ZNF683: variants seen among roughly 807,000 people sequenced by gnomAD.
ZNF683 encodes tissue-resident T-cell transcription regulator protein ZNF683.
ZNF683 carries 20 observed loss-of-function variants against 31.4 expected under a neutral mutation model. The observed-to-expected ratio is 0.64, with a 90% CI of 0.45 to 0.93. ZNF683 has a LOEUF of 0.93. Ranked by LOEUF, ZNF683 falls within the 40% of genes least tolerant of loss-of-function variation. The pLI is 0.00. For missense variants in ZNF683, 621 were observed against 637.2 expected (o/e 0.97, Z 0.27); for synonymous variants, 264 against 267.6 (o/e 0.99, Z 0.13).
At chr1:26,372,755 C>T, upstream of ZNF683, 3 of 1,211,126 alleles carry the variant, frequency 2.5e-6, no homozygotes, top group Non-Finnish European at 3.2e-6. Flanking sequence ...GACCATGGTC[C>T]TCCCTTTGTG....
intron 1 of ZNF683, among the ~76,000 whole-genome samples, chr1:26,371,119 G>A (rs951666633): frequency 6.6e-5 from 10 of 152,130 alleles, no homozygotes; most frequent in African/African-American, 2.4e-4. Context: ...GTGACAGGTA[G>A]GGACAGGAAC....
chr1:26,366,474 G>C (rs1246746325), intron 3 of ZNF683, among the ~76,000 whole-genome samples: 1 of 152,008 alleles, frequency 6.6e-6, no homozygotes. Flanking sequence ...CACAGCAAGA[G>C]AGTCCTTGCC....
intron 2 of ZNF683, 106 bp downstream of exon 2, chr1:26,368,352 T>G: frequency 3.0e-6 from 4 of 1,355,646 alleles, no homozygotes; most frequent in Non-Finnish European, 3.9e-6. Context: ...GTGCTCAGAC[T>G]GGGAAGGAGA....
chr1:26,370,782 C>A (rs2074651939), intron 1 of ZNF683: 1 of 966,312 alleles, frequency 1.0e-6, no homozygotes. Flanking sequence ...GAAGGTGTTA[C>A]ATTTGAAGTT....
At chr1:26,362,262 T>TC (rs2074405999) in intron 5 of ZNF683, 6 of 1,325,816 alleles carry the variant, frequency 4.5e-6, no homozygotes, top group Non-Finnish European at 6.4e-6. Flanking sequence ...CTCTGAGCCT[T>TC]CCTCTCCTCA....
chr1:26,363,975 C>A (rs1047780165), intron 4 of ZNF683, among the ~76,000 whole-genome samples: 2 of 152,220 alleles, frequency 1.3e-5, no homozygotes, highest in African/African-American at 4.8e-5. Context: ...CCTTTGCTAA[C>A]GCACTGAGAT....
intron 1 of ZNF683, among the ~76,000 whole-genome samples, chr1:26,369,312 G>T (rs2074607618): frequency 6.6e-6 from 1 of 152,034 alleles, no homozygotes; most frequent in African/African-American, 2.4e-5. Flanking sequence ...ATCACCTGAG[G>T]TCAGGAGTTC....
At chr1:26,367,882 C>A in intron 2 of ZNF683, 85 bp from the exon 3 acceptor site, 1 of 1,136,342 alleles carries the variant, frequency 8.8e-7, no homozygotes, top group South Asian at 1.7e-5. Context: ...ATTTTGTTTT[C>A]CAAAGGGGAG....
At position 26,363,157 on chromosome 1, in the gene ZNF683, G is replaced by A; in HGVS notation, c.1015-3C>T. ...CCACTGTGCACACGCAGGTGGACCT[G>A]AGTCAGATGCGGGATAAATGCTGCC... On this transcript the variant is annotated splice_polypyrimidine_tract_variant and splice_region_variant and intron_variant, in intron 4 of 5. Coordinates refer to ENST00000349618, the MANE Select transcript of ZNF683 (RefSeq NM_001114759.3). The A allele has an allele frequency of 1.2e-6, 2 of 1,602,198 alleles. No individual in the cohort carries two copies. Among genetic ancestry groups the A allele is most frequent in the Non-Finnish European group, 1.7e-6 (2 of 1,171,086 alleles).
rs374969389 is a variant in ZNF683 at position 26,368,404 on chromosome 1, A to G, written c.114+54T>C. 211 of 1,480,014 alleles carry G rather than the reference A, an allele frequency of 1.4e-4. No homozygotes were observed. In the African/African-American group the frequency reaches 2.8e-3, roughly 20 times the overall value. The allele number at this position is 1,480,014 out of a possible 1,614,324, so 91.7% of individuals were successfully genotyped here. A position where few individuals can be genotyped will look rare whatever the true frequency, so the allele number is the denominator to read the frequency against. On this transcript the variant is annotated intron_variant, in intron 2 of 5. Transcript: ENST00000349618. ...CGTTCCCCTTTTTCCTCCTAATGTCACCTCCTACTATAAGCAGACTACCCA... is the reference window on the plus strand; with the variant it reads ...CGTTCCCCTTTTTCCTCCTAATGTCGCCTCCTACTATAAGCAGACTACCCA...
intron 3 of ZNF683, 84 bp from the exon 4 acceptor site, chr1:26,365,310 G>T: frequency 1.5e-6 from 2 of 1,350,612 alleles, no homozygotes; most frequent in Non-Finnish European, 2.0e-6. Context: ...GCTCGGGGCT[G>T]AGAAAGACCT....
chr1:26,373,189 G>A (rs1349358913), upstream of ZNF683: 1 of 152,964 alleles, frequency 6.5e-6, no homozygotes, highest in Non-Finnish European at 1.5e-5. Context: ...AGGAGTTCAA[G>A]ACCAGCCTGG....
intron 1 of ZNF683, among the ~76,000 whole-genome samples, chr1:26,371,938 A>C (rs1353524269): frequency 2.0e-5 from 3 of 152,158 alleles, no homozygotes; most frequent in African/African-American, 7.2e-5. Flanking sequence ...TCTTAAAAAA[A>C]GTTAATAAAT....
At position 26,364,954 on chromosome 1, in the gene ZNF683, G is replaced by A. The variant is rs138879914; in HGVS notation, c.592C>T (p.Leu198Phe). Residue 198 changes from leucine (L) to phenylalanine (F), a missense_variant, in exon 4 of 6, where the codon CTT (leucine) becomes TTT (phenylalanine). Physicochemically the swap from Leu to Phe is conservative, Grantham distance 22 (BLOSUM62 0). Transcript: ENST00000349618. ...AACAGGTGGGGTGGAGGCAGGAGAA[G>A]TGGGTATCCAGGGTAGAAGGCGTGG... ...LLHAFYPGYP[L>F]LLPPPHLFTY... 1.2e-4 allele frequency: 186 copies of A among 1,562,384 alleles called. No homozygotes were observed. The highest frequency in any genetic ancestry group is 8.7e-4 in the Middle Eastern group (5 of 5,752).
At chr1:26,374,093 GCC>G (rs893738475), upstream of ZNF683, among the ~76,000 whole-genome samples, 95 of 150,568 alleles carry the variant, frequency 6.3e-4, 1 homozygote, top group African/African-American at 2.3e-3. Context: ...CTCCTCAGTG[GCC>G]CCCTCAGTAT....
At chr1:26,372,611 C>T (rs1557745894) in intron 1 of ZNF683, 58 bp downstream of exon 1, 2 of 1,304,770 alleles carry the variant, frequency 1.5e-6, no homozygotes, top group East Asian at 1.1e-4. Flanking sequence ...CCTTGCACAA[C>T]TTCTCTGTTA....
intron 3 of ZNF683, among the ~76,000 whole-genome samples, chr1:26,365,605 T>C (rs2074502961): frequency 6.6e-6 from 1 of 152,208 alleles, no homozygotes; most frequent in Non-Finnish European, 1.5e-5. Flanking sequence ...AAAAATGAAG[T>C]TCTCAGTTGC....
upstream of ZNF683, chr1:26,372,898 A>C: frequency 9.1e-7 from 1 of 1,098,722 alleles, no homozygotes; most frequent in Non-Finnish European, 1.1e-6. Flanking sequence ...AGGCTGCTCC[A>C]TGTGGGAACC....
At position 26,365,019 on chromosome 1, in the gene ZNF683, G is replaced by A; in HGVS notation, c.527C>T (p.Pro176Leu). 6.3e-7 allele frequency: 1 copy of A among 1,588,620 alleles called. No individual in the cohort carries two copies. The highest frequency in any genetic ancestry group is 8.6e-7 in the Non-Finnish European group (1 of 1,169,344). Residue 176 changes from proline (P) to leucine (L), a missense_variant, in exon 4 of 6, where the codon CCC becomes CTC. Transcript: ENST00000349618. ...SPSPLAFCPCPPVNSISKELP... is the reference protein window; with the variant it reads ...SPSPLAFCPCLPVNSISKELP... ...CTCCTTGGAGATGGAGTTGACAGGG[G>A]GACAGGGGCAGAAAGCCAAGGGGCT...
Sources: gnomAD v4.1 joint callset for allele counts (sites outside exome capture counted in the v4.1 genomes callset) on GRCh38, gnomAD v4.1.1 for gene constraint, MANE v1.5 for transcripts, NCBI Gene and HGNC (gene_info 2026-07-23, HGNC 2026-07-21) for gene names.